The following ARHGAP24 variants were observed in gnomAD, a reference collection of about 807,000 sequenced individuals.
ARHGAP24 encodes Rho GTPase activating protein 24.
A neutral mutation model predicts 76.4 loss-of-function variants in ARHGAP24; 50 were observed. The observed-to-expected ratio is 0.65, with a 90% CI of 0.52 to 0.83. ARHGAP24 has a LOEUF of 0.83. Among genes scored for constraint, ARHGAP24 ranks in the 40% least tolerant of loss-of-function variants. The pLI is 0.00. For missense variants in ARHGAP24, 930 were observed against 914.2 expected (o/e 1.02, Z -0.22); for synonymous variants, 345 against 323.3 (o/e 1.07, Z -0.72).
At chr4:85,882,713 G>A (rs769035077) in intron 3 of ARHGAP24, among the ~76,000 whole-genome samples, 44 of 152,168 alleles carry the variant, frequency 2.9e-4, no homozygotes, top group Non-Finnish European at 5.7e-4. Flanking sequence ...AGAATAGAGA[G>A]GTTCTCATAG....
intron 3 of ARHGAP24, among the ~76,000 whole-genome samples, chr4:85,726,222 T>C (rs952017255): frequency 6.7e-6 from 1 of 149,674 alleles, no homozygotes; most frequent in African/African-American, 2.4e-5. Flanking sequence ...TGTGGAGTTT[T>C]AGCCTCTTTT....
In ARHGAP24 at chr4:85,890,455, G is replaced by A. The variant is rs139456955; in HGVS notation, c.269-33193G>A. 1.7e-3 allele frequency among the ~76,000 whole-genome samples: 253 copies of A among 152,266 alleles called. 1 individual carries two copies. Among genetic ancestry groups the A allele is most frequent in the African/African-American group, 5.4e-3 (226 of 41,550 alleles). On this transcript the variant is annotated intron_variant, in intron 3 of 9. Coordinates refer to ENST00000395184, the MANE Select transcript of ARHGAP24 (RefSeq NM_001025616.3). ...GTTAAGCAAAGAATCATAATACTCT[G>A]TGAATATGGGTGGTGATGGAAGCGT... is the stretch of plus-strand genomic sequence containing the variant.
intron 1 of ARHGAP24, among the ~76,000 whole-genome samples, chr4:85,490,522 T>A (rs773115994): frequency 6.6e-6 from 1 of 152,234 alleles, no homozygotes; most frequent in Non-Finnish European, 1.5e-5. Flanking sequence ...TTAGAATTCA[T>A]TCACACATGA....
intron 2 of ARHGAP24, among the ~76,000 whole-genome samples, chr4:85,667,268 C>T (rs137876086): frequency 0.029 from 4,457 of 152,244 alleles, 199 homozygotes; most frequent in African/African-American, 0.1. Context: ...TGCTAGCAAT[C>T]GGTGAGACTC....
intron 2 of ARHGAP24, among the ~76,000 whole-genome samples, chr4:85,621,632 T>G (rs779249982): frequency 4.6e-5 from 7 of 152,150 alleles, no homozygotes; most frequent in Admixed American, 6.5e-5. Context: ...TCTTGTTGAT[T>G]TATTTAGGTT....
intron 5 of ARHGAP24, 113 bp downstream of exon 5, chr4:85,942,386 T>C (rs903387078): frequency 5.4e-6 from 7 of 1,290,990 alleles, no homozygotes; most frequent in Non-Finnish European, 7.7e-6. Context: ...GTTTACAACA[T>C]AGATTATTTG....
At chr4:85,625,061 T>C (rs1427659638) in intron 2 of ARHGAP24, among the ~76,000 whole-genome samples, 1 of 152,168 alleles carries the variant, frequency 6.6e-6, no homozygotes. Context: ...GTTTTTTGTG[T>C]CCTATTTCCT....
rs80116311 is a variant in ARHGAP24, at chr4:85,477,171, A to G, written c.-21+1612A>G. On this transcript the variant is annotated intron_variant, in intron 1 of 9. Coordinates refer to ENST00000395184, the MANE Select transcript of ARHGAP24 (RefSeq NM_001025616.3). Reference sequence around the variant, plus strand: ...AGTTTGAGGTATTTGGAAGGAATATAAAAGAGGTATGGTACTAGGAAAAAT... The same window carrying G: ...AGTTTGAGGTATTTGGAAGGAATATGAAAGAGGTATGGTACTAGGAAAAAT... Among the ~76,000 whole-genome samples the G allele has an allele frequency of 1.1e-4, 16 of 152,340 alleles. No homozygotes were observed. The East Asian group carries it at 2.9e-3, about 28-fold the overall frequency.
At chr4:85,640,014 G>A (rs758233286) in intron 2 of ARHGAP24, among the ~76,000 whole-genome samples, 29 of 152,020 alleles carry the variant, frequency 1.9e-4, no homozygotes, top group Non-Finnish European at 3.2e-4. Flanking sequence ...TGGAGCTATG[G>A]CCTCTTCCTC....
intron 3 of ARHGAP24, among the ~76,000 whole-genome samples, chr4:85,869,042 C>G (rs1299436305): frequency 6.6e-6 from 1 of 151,932 alleles, no homozygotes; most frequent in African/African-American, 2.4e-5. Context: ...TGTTTCAATA[C>G]CAACTACTTC....
At chr4:85,749,709 G>C (rs1022147438) in intron 3 of ARHGAP24, among the ~76,000 whole-genome samples, 2 of 152,128 alleles carry the variant, frequency 1.3e-5, no homozygotes, top group African/African-American at 4.8e-5. Flanking sequence ...GGGATTACAG[G>C]CACCTGCCAC....
chr4:85,923,506 A>AATGGAATGGTAAATATT (rs1735846239), intron 3 of ARHGAP24, 142 bp from the exon 4 acceptor site: 1 of 1,222,530 alleles, frequency 8.2e-7, no homozygotes, highest in Non-Finnish European at 1.2e-6. Flanking sequence ...CCACTCAGAA[A>AATGGAATGGTAAATATT]CCATGGTAAA....
chr4:85,927,932 A>C (rs346497), intron 4 of ARHGAP24, among the ~76,000 whole-genome samples: 75,032 of 151,990 alleles, frequency 0.49, 19,410 homozygotes, highest in East Asian at 0.9. Flanking sequence ...TAGAAATTAA[A>C]AACTGTTAGG....
At chr4:85,524,202 C>G (rs1724895299) in intron 1 of ARHGAP24, among the ~76,000 whole-genome samples, 1 of 151,986 alleles carries the variant, frequency 6.6e-6, no homozygotes, top group African/African-American at 2.4e-5. Context: ...ATTCTGATAC[C>G]CCTCCTCCAA....
At chr4:85,478,649 A>G (rs1033518592) in intron 1 of ARHGAP24, among the ~76,000 whole-genome samples, 1 of 152,224 alleles carries the variant, frequency 6.6e-6, no homozygotes, top group African/African-American at 2.4e-5. Flanking sequence ...TATAGTTTCT[A>G]AAAGCTCTTC....
chr4:85,909,529 T>C (rs1451928772), intron 3 of ARHGAP24, among the ~76,000 whole-genome samples: 4 of 152,320 alleles, frequency 2.6e-5, no homozygotes, highest in African/African-American at 9.6e-5. Context: ...ATTTGGACTT[T>C]AGCCAAATTT....
At chr4:85,867,350 T>A (rs1249925916) in intron 3 of ARHGAP24, among the ~76,000 whole-genome samples, 1 of 152,136 alleles carries the variant, frequency 6.6e-6, no homozygotes, top group Non-Finnish European at 1.5e-5. Flanking sequence ...TTGTCATGGA[T>A]TCTAGTGCGT....
chr4:85,917,184 T>C (rs945188693), intron 3 of ARHGAP24, among the ~76,000 whole-genome samples: 1 of 152,132 alleles, frequency 6.6e-6, no homozygotes, highest in Non-Finnish European at 1.5e-5. Context: ...GTCCTTGCAA[T>C]AGATTACTGA....
intron 2 of ARHGAP24, among the ~76,000 whole-genome samples, chr4:85,716,435 C>T (rs76674729): frequency 0.015 from 2,229 of 152,088 alleles, 46 homozygotes; most frequent in African/African-American, 0.051. Flanking sequence ...AATAAAAATA[C>T]GTATAATCCC....
Sources: gnomAD v4.1 joint callset for allele counts (sites outside exome capture counted in the v4.1 genomes callset) on GRCh38, gnomAD v4.1.1 for gene constraint, MANE v1.5 for transcripts, NCBI Gene and HGNC (gene_info 2026-07-23, HGNC 2026-07-21) for gene names.